GALNT13: variants seen among roughly 807,000 people sequenced by gnomAD.
GALNT13 encodes the protein UDP-GalNAc:polypeptide N-acetylgalactosaminyltransferase 13.
A neutral mutation model predicts 64.2 loss-of-function variants in GALNT13; 28 were observed. The ratio of observed to expected loss-of-function variants is 0.44; its 90% CI spans 0.32 to 0.60. The LOEUF (loss-of-function observed/expected upper bound fraction) is 0.60, where lower values mean the gene tolerates loss of function less well. Among genes scored for constraint, GALNT13 ranks in the 20% least tolerant of loss-of-function variants. GALNT13 has a pLI of 0.05. For missense variants in GALNT13, 577 were observed against 669.8 expected, an observed-to-expected ratio of 0.86 and a Z score of 1.53; for synonymous variants, 214 against 224.6, an observed-to-expected ratio of 0.95 and a Z score of 0.42.
the GALNT13 span, among the ~76,000 whole-genome samples, chr2:153,583,295 T>C: frequency 6.6e-6 from 1 of 152,146 alleles, no homozygotes; most frequent in East Asian, 1.9e-4. Flanking sequence ...GGAAATGAAA[T>C]TACAATTGTT....
chr2:153,612,545 T>C, the GALNT13 span, among the ~76,000 whole-genome samples: 1 of 151,972 alleles, frequency 6.6e-6, no homozygotes, highest in South Asian at 2.1e-4. Flanking sequence ...AGTCATCTGA[T>C]AAACTGAGAA....
the GALNT13 span, among the ~76,000 whole-genome samples, chr2:153,776,683 GT>G: frequency 6.6e-6 from 1 of 152,080 alleles, no homozygotes; most frequent in Non-Finnish European, 1.5e-5. Flanking sequence ...TAAAGTGAAT[GT>G]TTTTTAAAAA....
chr2:154,145,804 C>T (rs1232321667), intron 4 of GALNT13, among the ~76,000 whole-genome samples: 1 of 151,878 alleles, frequency 6.6e-6, no homozygotes, highest in Admixed American at 6.6e-5. Flanking sequence ...TTTTTCTGTG[C>T]TCAATCTCGT....
At chr2:154,008,168 G>A (rs1696387396) in intron 3 of GALNT13, among the ~76,000 whole-genome samples, 1 of 152,110 alleles carries the variant, frequency 6.6e-6, no homozygotes, top group Admixed American at 6.5e-5. Flanking sequence ...GGAGTGGTGG[G>A]AGTGGGCATC....
chr2:154,157,409 C>T (rs1558994195), intron 4 of GALNT13, among the ~76,000 whole-genome samples: 1 of 152,062 alleles, frequency 6.6e-6, no homozygotes, highest in Non-Finnish European at 1.5e-5. Flanking sequence ...GATGGGGTCT[C>T]ACTATGTCGC....
the GALNT13 span, among the ~76,000 whole-genome samples, chr2:153,147,117 T>C: frequency 2.0e-5 from 3 of 151,432 alleles, no homozygotes; most frequent in Non-Finnish European, 4.4e-5. Context: ...TCCCAGCACG[T>C]GCAGCTAAAT....
chr2:153,196,816 GGAGCAT>G, the GALNT13 span, among the ~76,000 whole-genome samples: 1 of 152,184 alleles, frequency 6.6e-6, no homozygotes, highest in Admixed American at 6.5e-5. Flanking sequence ...CCGGCTCCAT[GGAGCAT>G]GGCACCACCC....
At chr2:153,726,489 T>C in the GALNT13 span, among the ~76,000 whole-genome samples, 1 of 152,204 alleles carries the variant, frequency 6.6e-6, no homozygotes, top group Non-Finnish European at 1.5e-5. Context: ...TTTGATAAAA[T>C]GTACTCCATT....
the GALNT13 span, among the ~76,000 whole-genome samples, chr2:153,258,881 T>C: frequency 2.6e-5 from 4 of 152,222 alleles, no homozygotes; most frequent in Non-Finnish European, 5.9e-5. Context: ...TGGTCTATCC[T>C]TGAGAATAAT....
the GALNT13 span, among the ~76,000 whole-genome samples, chr2:153,532,435 G>A: frequency 3.3e-5 from 5 of 152,070 alleles, no homozygotes; most frequent in Non-Finnish European, 7.4e-5. Flanking sequence ...TCTCTCATAC[G>A]CCTCTGGACC....
chr2:153,663,134 A>G, the GALNT13 span, among the ~76,000 whole-genome samples: 5 of 152,222 alleles, frequency 3.3e-5, no homozygotes, highest in Non-Finnish European at 7.3e-5. Flanking sequence ...CTTTGTGAGT[A>G]GCTGAATATC....
At chr2:153,084,850 G>A in the GALNT13 span, among the ~76,000 whole-genome samples, 3 of 152,196 alleles carry the variant, frequency 2.0e-5, no homozygotes, top group East Asian at 5.8e-4. Flanking sequence ...ACAGGTAGTG[G>A]GGTGCTGCTG....
intron 4 of GALNT13, among the ~76,000 whole-genome samples, chr2:154,149,408 C>T (rs1029119117): frequency 1.6e-4 from 24 of 151,860 alleles, no homozygotes; most frequent in East Asian, 3.9e-4. Flanking sequence ...CTTGGTGGTG[C>T]GGGCTCTTTT....
intron 9 of GALNT13, among the ~76,000 whole-genome samples, chr2:154,383,225 A>C (rs1208434096): frequency 6.6e-6 from 1 of 151,950 alleles, no homozygotes; most frequent in East Asian, 1.9e-4. Context: ...ACACAAGAAA[A>C]CAACAGACAT....
intron 10 of GALNT13, among the ~76,000 whole-genome samples, chr2:154,399,770 T>C (rs967227052): frequency 6.6e-6 from 1 of 152,074 alleles, no homozygotes. Flanking sequence ...CAAAGTCAAA[T>C]AAGGAAAGAC....
At chr2:153,196,073 C>G in the GALNT13 span, among the ~76,000 whole-genome samples, 34 of 152,342 alleles carry the variant, frequency 2.2e-4, 3 homozygotes, top group East Asian at 6.4e-3. Context: ...AAAGTGCACA[C>G]TGACTGGTCC....
At chr2:153,589,863 A>G in the GALNT13 span, among the ~76,000 whole-genome samples, 2 of 152,216 alleles carry the variant, frequency 1.3e-5, no homozygotes, top group South Asian at 4.1e-4. Flanking sequence ...GATGAGCAAG[A>G]TGAGATTTGT....
chr2:154,083,471 G>A (rs952364887), intron 3 of GALNT13, among the ~76,000 whole-genome samples: 7 of 151,876 alleles, frequency 4.6e-5, no homozygotes, highest in African/African-American at 1.2e-4. Flanking sequence ...GGCTTGATGC[G>A]GATGGCATTG....
the GALNT13 span, among the ~76,000 whole-genome samples, chr2:153,655,787 A>G: frequency 6.6e-6 from 1 of 152,128 alleles, no homozygotes; most frequent in Non-Finnish European, 1.5e-5. Flanking sequence ...TATTATCACT[A>G]GAATATTTGA....
Sources: allele counts gnomAD v4.1 joint callset (sites outside exome capture counted in the v4.1 genomes callset), GRCh38; gene constraint gnomAD v4.1.1; transcripts MANE v1.5; gene names NCBI Gene and HGNC (gene_info 2026-07-23, HGNC 2026-07-21).